PRPF18: variants seen among roughly 807,000 people sequenced by gnomAD.
PRPF18 encodes the protein pre-mRNA-splicing factor 18.
In PRPF18, 38 loss-of-function variants were observed where a neutral mutation model predicts 46.5. The observed-to-expected ratio is 0.82, with a 90% CI of 0.63 to 1.07. The LOEUF is 1.07. PRPF18 is among the 50% of genes least tolerant of loss of function. The pLI is 0.00. For missense variants in PRPF18, 263 were observed against 410.0 expected (o/e 0.64, Z 3.10); for synonymous variants, 152 against 146.7 (o/e 1.04, Z -0.26).
chr10:13,613,253 G>A (rs1408919359), intron 6 of PRPF18, among the ~76,000 whole-genome samples: 1 of 152,020 alleles, frequency 6.6e-6, no homozygotes, highest in East Asian at 1.9e-4. Flanking sequence ...CTAGGGGTGG[G>A]GGTGGAGTGG....
At chr10:13,647,469 T>A in the PRPF18 span, 1 of 152,128 alleles carries the variant, frequency 6.6e-6, no homozygotes, top group South Asian at 2.1e-4. Context: ...AGGGGACTTT[T>A]CCCACACGAC....
intron 4 of PRPF18, among the ~76,000 whole-genome samples, chr10:13,609,391 T>A (rs1265857362): frequency 2.0e-5 from 3 of 152,172 alleles, no homozygotes; most frequent in Non-Finnish European, 4.4e-5. Flanking sequence ...GTGGCAAGGA[T>A]TTGAACCCAG....
downstream of PRPF18, among the ~76,000 whole-genome samples, chr10:13,632,992 G>T (rs146977543): frequency 1.7e-4 from 26 of 152,312 alleles, no homozygotes; most frequent in East Asian, 4.0e-3. Flanking sequence ...CCCTTCAGAA[G>T]TAAATAGTGC....
the PRPF18 span, chr10:13,648,666 C>T: frequency 6.6e-6 from 1 of 152,176 alleles, no homozygotes; most frequent in Non-Finnish European, 1.5e-5. Flanking sequence ...TGGAAGGAGA[C>T]CCAGCCAGCC....
chr10:13,616,700 T>C, intron 9 of PRPF18, 147 bp downstream of exon 9: 2 of 968,546 alleles, frequency 2.1e-6, no homozygotes, highest in South Asian at 1.6e-5. Context: ...GCACTGACAC[T>C]GAAGCCACCT....
At chr10:13,655,634 C>T in the PRPF18 span, 2 of 152,216 alleles carry the variant, frequency 1.3e-5, no homozygotes, top group African/African-American at 2.4e-5. Flanking sequence ...GCCCTGCTGT[C>T]TCCAGGCACC....
intron 9 of PRPF18, among the ~76,000 whole-genome samples, chr10:13,620,008 A>G (rs982883845): frequency 6.6e-6 from 1 of 152,106 alleles, no homozygotes; most frequent in East Asian, 1.9e-4. Flanking sequence ...GTTTTGTAAA[A>G]TTCTTGGTTA....
At chr10:13,591,963 T>C in intron 1 of PRPF18, 1 of 1,114,524 alleles carries the variant, frequency 9.0e-7, no homozygotes, top group Admixed American at 1.9e-5. Flanking sequence ...CAACAGCTTT[T>C]GAGGCACATC....
the PRPF18 span, chr10:13,655,873 C>T: frequency 6.6e-6 from 1 of 152,090 alleles, no homozygotes; most frequent in Non-Finnish European, 1.5e-5. Flanking sequence ...GACCGGAGCA[C>T]GAGGCAACTG....
chr10:13,620,437 C>T (rs1300501721), intron 9 of PRPF18, among the ~76,000 whole-genome samples: 1 of 152,158 alleles, frequency 6.6e-6, no homozygotes, highest in Non-Finnish European at 1.5e-5. Context: ...TGCCTCAATG[C>T]CTCAACAAAC....
chr10:13,638,507 A>G, the PRPF18 span: 1 of 152,058 alleles, frequency 6.6e-6, no homozygotes, highest in African/African-American at 2.4e-5. Flanking sequence ...CAAGCTGGAG[A>G]CCCAGGAAAG....
At chr10:13,638,273 A>C in the PRPF18 span, among the ~76,000 whole-genome samples, 84,362 of 150,780 alleles carry the variant, frequency 0.56, 23,988 homozygotes, top group East Asian at 0.79. Context: ...TAAAGATGGC[A>C]GAGCAGAAGA....
the PRPF18 span, chr10:13,653,433 G>A: frequency 6.6e-6 from 1 of 152,328 alleles, no homozygotes; most frequent in Non-Finnish European, 1.5e-5. Flanking sequence ...TTGAACCATG[G>A]AGGTTGCAGT....
Position 13,587,117 on chromosome 10 carries a change from A to G in PRPF18, c.31A>G (p.Lys11Glu). 1 of 1,614,094 alleles carries G rather than the reference A, an allele frequency of 6.2e-7. No homozygotes were observed. The highest frequency in any genetic ancestry group is 8.5e-7 in the Non-Finnish European group (1 of 1,179,988). Reference sequence around the variant, plus strand: ...CATTCTGAAATCAGAGATCCTTCGGAAGCGGCAGCTGGTGGAGGACAGGAA... The same window carrying G: ...CATTCTGAAATCAGAGATCCTTCGGGAGCGGCAGCTGGTGGAGGACAGGAA... MDILKSEILR[K>E]RQLVEDRNLL... The change falls in exon 1 of 10, where the codon AAG (lysine) becomes GAG (glutamate). Residue 11 changes from lysine to glutamate, a missense_variant. Around this residue, in one of 4 missense-constraint regions of PRPF18, gnomAD observed 71 missense variants for 69.2 expected, o/e 1.03. Coordinates refer to ENST00000378572, the MANE Select transcript of PRPF18 (RefSeq NM_003675.4).
chr10:13,643,985 A>G, the PRPF18 span: 4 of 152,634 alleles, frequency 2.6e-5, no homozygotes, highest in Admixed American at 6.5e-5. Flanking sequence ...GTAATAAACT[A>G]TTGACATTAA....
In PRPF18 at chr10:13,610,127, A is replaced by G; in HGVS notation, c.452A>G (p.Glu151Gly). The G allele has an allele frequency of 1.9e-6, 3 of 1,614,110 alleles. No homozygotes were observed. The highest frequency in any genetic ancestry group is 2.5e-6 in the Non-Finnish European group (3 of 1,179,968). ...GTCGGCGGTCAGGAGCCTGGAGAGG[A>G]AGACACACAGAATGATCTGAAAGTT... ...EIVGGQEPGE[E>G]DTQNDLKVHE... The change falls in exon 5 of 10, where the codon GAA becomes GGA. Residue 151 changes from glutamate to glycine, a missense_variant. Coordinates refer to ENST00000378572, the MANE Select transcript of PRPF18 (RefSeq NM_003675.4).
chr10:13,630,669 A>T lies in PRPF18; in HGVS notation c.*329A>T, dbSNP rs1184972102. ...CCCGAAAGTTGTGGTTAGATGATTA[A>T]AAAGAAACATTTGAGGATGGACTTA... On this transcript the variant is annotated 3_prime_UTR_variant, in exon 10 of 10. Transcript: ENST00000378572. The T allele has an allele frequency of 1.9e-5, 3 of 159,354 alleles. No homozygotes were observed. The highest frequency in any genetic ancestry group is 7.2e-5 in the African/African-American group (3 of 41,762). The allele number at this position is 159,354 out of a possible 1,614,324, so 9.9% of individuals were successfully genotyped here. A position where few individuals can be genotyped will look rare whatever the true frequency, so the allele number is the denominator to read the frequency against.
intron 1 of PRPF18, among the ~76,000 whole-genome samples, chr10:13,592,923 C>T (rs2079985804): frequency 6.6e-6 from 1 of 152,192 alleles, no homozygotes; most frequent in Admixed American, 6.5e-5. Flanking sequence ...TAAAGAGCAA[C>T]AGCTAACACC....
chr10:13,591,764 A>C, intron 1 of PRPF18: 1 of 1,364,176 alleles, frequency 7.3e-7, no homozygotes, highest in Non-Finnish European at 1.0e-6. Context: ...TGTTTTCTTC[A>C]TAGAGGAACT....
Sources: gnomAD v4.1 joint callset for allele counts (sites outside exome capture counted in the v4.1 genomes callset) on GRCh38, gnomAD v4.1.1 for gene constraint, gnomAD v4.1.1 regional missense constraint, MANE v1.5 for transcripts, NCBI Gene and HGNC (gene_info 2026-07-23, HGNC 2026-07-21) for gene names.